The following BMS1 variants were observed in gnomAD, a reference collection of about 807,000 sequenced individuals.
BMS1 encodes BMS1 ribosome biogenesis factor, also known as ribosome biogenesis protein BMS1 homolog.
A neutral mutation model predicts 138.7 loss-of-function variants in BMS1; 53 were observed. That is an observed-to-expected ratio of 0.38 (90% confidence interval 0.31 to 0.48). The LOEUF is 0.48. Among genes scored for constraint, BMS1 ranks in the 20% least tolerant of loss-of-function variants. The pLI, the probability that BMS1 is intolerant of heterozygous loss-of-function variation, is 0.97. For missense variants in BMS1, 1,360 were observed against 1,565.5 expected (o/e 0.87, Z 2.22); for synonymous variants, 504 against 539.9 (o/e 0.93, Z 0.92).
At chr10:42,791,348 T>C (rs1841498581) in intron 5 of BMS1, among the ~76,000 whole-genome samples, 2 of 152,306 alleles carry the variant, frequency 1.3e-5, no homozygotes, top group South Asian at 4.1e-4. Flanking sequence ...TATACTGCTC[T>C]GGACCATTGG....
chr10:42,800,971 C>T (rs1841857161), intron 12 of BMS1, among the ~76,000 whole-genome samples: 1 of 152,196 alleles, frequency 6.6e-6, no homozygotes, highest in Non-Finnish European at 1.5e-5. Flanking sequence ...TCCTCTTTAT[C>T]CCACCTGTGG....
Position 42,820,214 on chromosome 10 carries a change from T to C in BMS1, c.2581-22T>C, listed in dbSNP as rs1197656299. ...ATTACAGATAACAGCATACAGGTTT[T>C]TTTATTCCCCATCATGTACAGCTGA... On this transcript the variant is annotated intron_variant, in intron 15 of 22. Coordinates refer to ENST00000374518, the MANE Select transcript of BMS1 (RefSeq NM_014753.4). 4 of 1,605,864 alleles carry C rather than the reference T, an allele frequency of 2.5e-6. No individual in the cohort carries two copies. The South Asian group carries it at 3.3e-5, about 13-fold the overall frequency.
In BMS1 at chr10:42,832,166, T is replaced by A. The variant is rs1481293239; in HGVS notation, c.*1070T>A. 6.6e-6 allele frequency: 1 copy of A among 152,202 alleles called. No individual in the cohort carries two copies. 9.4% of individuals were successfully genotyped at this position (152,202 alleles called of 1,614,324 possible). Reference sequence around the variant, plus strand: ...GCAGCTGGGCACAGTGACTCACGCCTGTAATCCCAGCACTTTGGGATGCTA... The same window carrying A: ...GCAGCTGGGCACAGTGACTCACGCCAGTAATCCCAGCACTTTGGGATGCTA... On this transcript the variant is annotated 3_prime_UTR_variant, in exon 23 of 23. Transcript: ENST00000374518.
chr10:42,822,744 T>TACC, intron 19 of BMS1, among the ~76,000 whole-genome samples: 1 of 152,230 alleles, frequency 6.6e-6, no homozygotes, highest in African/African-American at 2.4e-5. Context: ...CACCAGCGTT[T>TACC]ATCTTACTGT....
At chr10:42,795,578 C>G (rs1310754915) in intron 9 of BMS1, among the ~76,000 whole-genome samples, 1 of 151,902 alleles carries the variant, frequency 6.6e-6, no homozygotes, top group Non-Finnish European at 1.5e-5. Flanking sequence ...GCCTTGGCCT[C>G]CCAAAGTTCT....
At chr10:42,812,428 C>CT (rs1433984433) in intron 13 of BMS1, among the ~76,000 whole-genome samples, 2 of 152,226 alleles carry the variant, frequency 1.3e-5, no homozygotes, top group Non-Finnish European at 2.9e-5. Context: ...GCATGAGCCA[C>CT]TGTGCCCGGC....
In BMS1 at chr10:42,823,112, C is replaced by G; in HGVS notation, c.3133-6C>G. The stretch of plus-strand genomic sequence containing the variant: ...TGTGTGTGTTTTTATCTTGCTATAC[C>G]TGTAGGGAATGTTTAATTCTGCCTT... On this transcript the variant is annotated splice_polypyrimidine_tract_variant and splice_region_variant and intron_variant, in intron 19 of 22. Coordinates refer to ENST00000374518, the MANE Select transcript of BMS1 (RefSeq NM_014753.4). 2 of 1,566,114 alleles carry G rather than the reference C, an allele frequency of 1.3e-6. No homozygotes were observed. The highest frequency in any genetic ancestry group is 1.7e-6 in the Non-Finnish European group (2 of 1,159,776).
At chr10:42,827,952 C>A (rs1842698329) in intron 21 of BMS1, among the ~76,000 whole-genome samples, 2 of 152,184 alleles carry the variant, frequency 1.3e-5, no homozygotes, top group South Asian at 4.1e-4. Flanking sequence ...GTGCTAATTT[C>A]TATTAAAGCA....
intron 15 of BMS1, among the ~76,000 whole-genome samples, chr10:42,818,951 G>A (rs959329986): frequency 3.5e-4 from 53 of 152,156 alleles, no homozygotes; most frequent in African/African-American, 1.2e-3. Context: ...TGTTAACTAC[G>A]GTGAAGGCAG....
intron 17 of BMS1, 81 bp from the exon 18 acceptor site, chr10:42,820,853 C>G (rs1354995043): frequency 7.7e-7 from 1 of 1,297,196 alleles, no homozygotes; most frequent in African/African-American, 1.5e-5. Context: ...ATATCCAAAT[C>G]TAAATGTCCA....
intron 13 of BMS1, among the ~76,000 whole-genome samples, chr10:42,811,737 G>T (rs1256301476): frequency 1.3e-5 from 2 of 149,570 alleles, no homozygotes; most frequent in South Asian, 4.3e-4. Flanking sequence ...TTTTAGCCGG[G>T]ATGGTCTCGA....
rs547350381 is a variant in BMS1 at position 42,793,052 on chromosome 10, A to G, written c.997A>G (p.Lys333Glu). 2 of 1,613,636 alleles carry G rather than the reference A, an allele frequency of 1.2e-6. No homozygotes were observed. The highest frequency in any genetic ancestry group is 2.7e-5 in the African/African-American group (2 of 74,864). The change falls in exon 8 of 23, where the codon AAG becomes GAG. Residue 333 changes from lysine to glutamate, a missense_variant. Lys to Glu is a moderately conservative substitution (Grantham distance 56). Around this residue, in one of 3 missense-constraint regions of BMS1, gnomAD observed 697 missense variants for 686.2 expected, o/e 1.02. Transcript: ENST00000374518. ...QKKRCLNEKEKLVYAPLSGVG... is the reference protein window; with the variant it reads ...QKKRCLNEKEELVYAPLSGVG... ...GAAGCGCTGTTTAAATGAGAAGGAG[A>G]AGCTGGTTTATGCGCCTCTTTCTGG...
chr10:42,802,995 A>T (rs974977949), intron 13 of BMS1, among the ~76,000 whole-genome samples: 7 of 152,090 alleles, frequency 4.6e-5, no homozygotes, highest in Admixed American at 4.6e-4. Flanking sequence ...ATGGATTGCA[A>T]CTGCCACATG....
At chr10:42,810,352 C>G (rs969820984) in intron 13 of BMS1, among the ~76,000 whole-genome samples, 1 of 152,124 alleles carries the variant, frequency 6.6e-6, no homozygotes, top group Non-Finnish European at 1.5e-5. Context: ...AATTTTTATA[C>G]AAATCTTTTT....
At chr10:42,790,600 T>A (rs1841473383) in intron 5 of BMS1, 89 bp downstream of exon 5, 4 of 1,388,220 alleles carry the variant, frequency 2.9e-6, no homozygotes, top group African/African-American at 1.5e-5. Context: ...ACACCTGTAA[T>A]CCCAGCACTT....
In BMS1 at chr10:42,820,894, T is replaced by C. The variant is rs757298713; in HGVS notation, c.2951-40T>C. The C allele has an allele frequency of 2.0e-5, 31 of 1,553,224 alleles. No homozygotes were observed. The East Asian group carries it at 6.7e-4, about 34-fold the overall frequency. Reference sequence around the variant, plus strand: ...AGTATGTTAAACTAGAATCTAAAATTTGTGGTTCGCTATATTTCTTTTTTT... The same window carrying C: ...AGTATGTTAAACTAGAATCTAAAATCTGTGGTTCGCTATATTTCTTTTTTT... On this transcript the variant is annotated intron_variant, in intron 17 of 22. Transcript: ENST00000374518.
In BMS1 at chr10:42,830,644, G is replaced by A. The variant is rs570201162; in HGVS notation, c.3618+222G>A. On this transcript the variant is annotated intron_variant, in intron 22 of 22. Coordinates refer to ENST00000374518, the MANE Select transcript of BMS1 (RefSeq NM_014753.4). ...ATGGCTGGGGAACCCTTCTGTCTCGGTTAGCTGCACACAGTGTCCACAGAA... is the reference window on the plus strand; with the variant it reads ...ATGGCTGGGGAACCCTTCTGTCTCGATTAGCTGCACACAGTGTCCACAGAA... 3.2e-4 allele frequency among the ~76,000 whole-genome samples: 48 copies of A among 152,212 alleles called. 1 individual carries two copies. The highest frequency in any genetic ancestry group is 1.7e-3 in the Admixed American group (26 of 15,294).
Position 42,817,333 on chromosome 10 carries a change from AAAG to A in BMS1, c.2423_2425del (p.Glu808del). 2 of 1,602,186 alleles carry A rather than the reference AAAG, an allele frequency of 1.2e-6. No homozygotes were observed. The highest frequency in any genetic ancestry group is 1.7e-6 in the Non-Finnish European group (2 of 1,176,596). ...GAAATTTAAGAATGAAGATATAGAG[AAAG>A]AAGTTAAGGAAGAAATTGACCCCGA... On this transcript the variant is annotated inframe_deletion, in exon 15 of 23. Coordinates refer to ENST00000374518, the MANE Select transcript of BMS1 (RefSeq NM_014753.4).
At chr10:42,806,737 GAA>G (rs35466848) in intron 13 of BMS1, among the ~76,000 whole-genome samples, 11 of 99,406 alleles carry the variant, frequency 1.1e-4, no homozygotes, top group African/African-American at 2.1e-4. Flanking sequence ...TCCGTCTCAG[GAA>G]AAAAAAAAAA....
Sources: gnomAD v4.1 joint callset for allele counts (sites outside exome capture counted in the v4.1 genomes callset) on GRCh38, gnomAD v4.1.1 for gene constraint, gnomAD v4.1.1 regional missense constraint, MANE v1.5 for transcripts, NCBI Gene and HGNC (gene_info 2026-07-23, HGNC 2026-07-21) for gene names.